KBTBD12: variants seen among roughly 807,000 people sequenced by gnomAD.
KBTBD12 encodes kelch repeat and BTB domain containing 12.
A neutral mutation model predicts 58.7 loss-of-function variants in KBTBD12; 53 were observed. The ratio of observed to expected loss-of-function variants is 0.90; its 90% confidence interval spans 0.72 to 1.14. KBTBD12 has a LOEUF of 1.14. Among genes scored for constraint, KBTBD12 ranks in the 50% most tolerant of loss-of-function variants. The pLI is 0.00. For missense variants in KBTBD12, 704 were observed against 751.3 expected (o/e 0.94, Z 0.74); for synonymous variants, 236 against 259.8 (o/e 0.91, Z 0.88).
chr3:127,916,397 G>A (rs915837539), intron 1 of KBTBD12, among the ~76,000 whole-genome samples: 1 of 152,190 alleles, frequency 6.6e-6, no homozygotes, highest in African/African-American at 2.4e-5. Flanking sequence ...ATAGGGTGTG[G>A]AGACGTAATC....
At chr3:127,961,503 A>C (rs1028555967) in intron 4 of KBTBD12, among the ~76,000 whole-genome samples, 2 of 152,214 alleles carry the variant, frequency 1.3e-5, no homozygotes, top group Non-Finnish European at 2.9e-5. Context: ...AGCAAAGAGA[A>C]AAAAAGACTT....
rs553265899 is a variant in KBTBD12 at position 127,935,109 on chromosome 3, G to A, written c.1492+4826G>A. 5.3e-5 allele frequency among the ~76,000 whole-genome samples: 8 copies of A among 152,178 alleles called. No homozygotes were observed. In the South Asian group the frequency reaches 1.7e-3, roughly 32 times the overall value. ...GCTCCTCAATTTACAGTGGCATTAT[G>A]TTCCAATAAAAACCCATCATAGGTT... On this transcript the variant is annotated intron_variant, in intron 4 of 5. Transcript: ENST00000405109.
At chr3:127,924,644 T>C (rs1055511653) in intron 2 of KBTBD12, among the ~76,000 whole-genome samples, 3 of 152,128 alleles carry the variant, frequency 2.0e-5, no homozygotes, top group Non-Finnish European at 2.9e-5. Context: ...TAGTTCGTAA[T>C]TTAGAGCAAT....
chr3:127,917,555 T>C (rs1939279419), intron 1 of KBTBD12, among the ~76,000 whole-genome samples: 1 of 152,150 alleles, frequency 6.6e-6, no homozygotes. Flanking sequence ...GGGATGGAGC[T>C]GAAAGTCCCA....
intron 1 of KBTBD12, 137 bp from the exon 2 acceptor site, chr3:127,922,813 A>G: frequency 3.5e-6 from 1 of 283,856 alleles, no homozygotes; most frequent in Non-Finnish European, 6.6e-6. Flanking sequence ...TTTTAGATAC[A>G]AAAGTAGTTG....
chr3:127,922,712 T>A (rs986238974), intron 1 of KBTBD12, among the ~76,000 whole-genome samples: 1 of 152,142 alleles, frequency 6.6e-6, no homozygotes, highest in Admixed American at 6.6e-5. Flanking sequence ...GGGAGGGAAA[T>A]CTTTGCAGTC....
intron 5 of KBTBD12, among the ~76,000 whole-genome samples, chr3:127,967,308 C>T (rs1940594706): frequency 6.6e-6 from 1 of 151,978 alleles, no homozygotes; most frequent in African/African-American, 2.4e-5. Flanking sequence ...TGAAAACTAG[C>T]AAAAATAAAA....
intron 5 of KBTBD12, among the ~76,000 whole-genome samples, chr3:127,977,543 T>C (rs1448766310): frequency 6.6e-6 from 1 of 152,252 alleles, no homozygotes; most frequent in African/African-American, 2.4e-5. Flanking sequence ...TGAGATAGTA[T>C]CTCATTGTGG....
At chr3:127,948,066 T>G (rs1452755919) in intron 4 of KBTBD12, among the ~76,000 whole-genome samples, 1 of 152,242 alleles carries the variant, frequency 6.6e-6, no homozygotes, top group Non-Finnish European at 1.5e-5. Flanking sequence ...ACACATTTCT[T>G]TTTGTATATT....
intron 5 of KBTBD12, among the ~76,000 whole-genome samples, chr3:127,973,646 AAGT>A (rs1940724106): frequency 6.6e-6 from 1 of 152,120 alleles, no homozygotes; most frequent in African/African-American, 2.4e-5. Flanking sequence ...AGGAAAAAAA[AAGT>A]GTGTGTGTGT....
At chr3:127,957,894 T>G (rs1940350487) in intron 4 of KBTBD12, among the ~76,000 whole-genome samples, 2 of 152,146 alleles carry the variant, frequency 1.3e-5, no homozygotes, top group Non-Finnish European at 2.9e-5. Context: ...TTCAGGACAG[T>G]GGAAGCCTAA....
At chr3:127,928,404 A>C (rs1471386353) in intron 3 of KBTBD12, among the ~76,000 whole-genome samples, 1 of 152,240 alleles carries the variant, frequency 6.6e-6, no homozygotes, top group African/African-American at 2.4e-5. Context: ...GACCTGAGGC[A>C]AGTAACTCAT....
Position 127,923,331 on chromosome 3 carries a change from C to G in KBTBD12, c.270C>G (p.Tyr90Ter). ...ESVSVLLNYM[Y>*]NAALEINNAN... is the part of the protein sequence containing the mutation. ...TGTCGGTGTTATTAAATTACATGTACAATGCAGCTTTGGAGATCAATAATG... is the reference window on the plus strand; with the variant it reads ...TGTCGGTGTTATTAAATTACATGTAGAATGCAGCTTTGGAGATCAATAATG... The change falls in exon 2 of 6, where the codon TAC (tyrosine) becomes TAG (stop). Residue 90 changes from tyrosine (Y) to a stop codon, truncating the protein, a stop_gained. Transcript: ENST00000405109. LOFTEE classifies it high-confidence loss of function. 6.2e-7 allele frequency: 1 copy of G among 1,613,792 alleles called. No homozygotes were observed. Among genetic ancestry groups the G allele is most frequent in the Non-Finnish European group, 8.5e-7 (1 of 1,179,774 alleles).
chr3:127,945,352 T>A (rs1323769376), intron 4 of KBTBD12, among the ~76,000 whole-genome samples: 1 of 151,026 alleles, frequency 6.6e-6, no homozygotes, highest in Non-Finnish European at 1.5e-5. Context: ...GCCCGGCTAA[T>A]TTTTTGTATT....
chr3:127,939,233 G>A (rs1486422464), intron 4 of KBTBD12, among the ~76,000 whole-genome samples: 1 of 152,202 alleles, frequency 6.6e-6, no homozygotes, highest in East Asian at 1.9e-4. Context: ...TCAAGCTGCA[G>A]TTCCAAGAGG....
chr3:127,923,308 T>A lies in KBTBD12; in HGVS notation c.247T>A (p.Ser83Thr). ...ILYDITAESV[S>T]VLLNYMYNAA... ...TTATGACATCACAGCAGAAAGTGTG[T>A]CGGTGTTATTAAATTACATGTACAA... is the stretch of plus-strand genomic sequence containing the variant. Residue 83 changes from serine (S) to threonine (T), a missense_variant, in exon 2 of 6, where the codon TCG becomes ACG. Coordinates refer to ENST00000405109, the MANE Select transcript of KBTBD12 (RefSeq NM_207335.4). 6.2e-7 allele frequency: 1 copy of A among 1,613,788 alleles called. No homozygotes were observed. The highest frequency in any genetic ancestry group is 8.5e-7 in the Non-Finnish European group (1 of 1,179,762).
chr3:127,927,157 T>G (rs908769427), intron 2 of KBTBD12, among the ~76,000 whole-genome samples: 7 of 152,152 alleles, frequency 4.6e-5, no homozygotes, highest in Non-Finnish European at 1.0e-4. Flanking sequence ...TTGCCACATC[T>G]AGTAGATTAA....
intron 4 of KBTBD12, among the ~76,000 whole-genome samples, chr3:127,931,661 A>G (rs895464047): frequency 1.3e-5 from 2 of 152,190 alleles, no homozygotes; most frequent in Non-Finnish European, 2.9e-5. Flanking sequence ...CTACATGGGA[A>G]AGGCACTCGT....
chr3:127,925,452 T>G (rs1679725790), intron 2 of KBTBD12, among the ~76,000 whole-genome samples: 1 of 152,046 alleles, frequency 6.6e-6, no homozygotes, highest in South Asian at 2.1e-4. Context: ...CTTTACATAG[T>G]TTTTTTTCTT....
Sources: gnomAD v4.1 joint callset for allele counts (sites outside exome capture counted in the v4.1 genomes callset) on GRCh38, gnomAD v4.1.1 for gene constraint, MANE v1.5 for transcripts, NCBI Gene and HGNC (gene_info 2026-07-23, HGNC 2026-07-21) for gene names.